Variants in EPHA5 observed in about 807,000 individuals in gnomAD.
EPHA5 encodes ephrin type-A receptor 5.
A neutral mutation model predicts 105.0 loss-of-function variants in EPHA5; 60 were observed. That is an observed-to-expected ratio of 0.57 (90% CI 0.46 to 0.71). EPHA5 has a LOEUF of 0.71. Among genes scored for constraint, EPHA5 ranks in the 30% least tolerant of loss-of-function variants. The pLI, the probability that EPHA5 is intolerant of heterozygous loss-of-function variation, is 0.00. For missense variants in EPHA5, 1,218 were observed against 1,274.7 expected (o/e 0.96, Z 0.68); for synonymous variants, 513 against 449.1 (o/e 1.14, Z -1.80).
intron 8 of EPHA5, among the ~76,000 whole-genome samples, chr4:65,389,863 A>T (rs1010642552): frequency 6.6e-6 from 1 of 152,008 alleles, no homozygotes; most frequent in African/African-American, 2.4e-5. Flanking sequence ...GCCTAGAAAA[A>T]ACTTGGGAAA....
In EPHA5 at chr4:65,377,007, C is replaced by T. The variant is rs768535351; in HGVS notation, c.1794-9583G>A. On this transcript the variant is annotated intron_variant, in intron 8 of 16. Coordinates refer to ENST00000613740, the MANE Select transcript of EPHA5 (RefSeq NM_001281766.3). ...GGGAGGGAACACTAACCATATTAGG[C>T]TTGGATGGGCAACAGCGCACAGGGA... The T allele has an allele frequency of 1.1e-5, 18 of 1,608,004 alleles. No homozygotes were observed. In the East Asian group the frequency reaches 2.7e-4, roughly 24 times the overall value.
intron 5 of EPHA5, among the ~76,000 whole-genome samples, chr4:65,459,005 T>C (rs1031540738): frequency 1.3e-5 from 2 of 152,066 alleles, no homozygotes; most frequent in South Asian, 4.1e-4. Flanking sequence ...ACACCTGTTA[T>C]TTTTTGAGAG....
intron 5 of EPHA5, among the ~76,000 whole-genome samples, chr4:65,461,091 T>C (rs559564642): frequency 1.5e-4 from 23 of 151,960 alleles, no homozygotes; most frequent in African/African-American, 5.5e-4. Context: ...TTACATACCA[T>C]AACACTAAAT....
chr4:65,668,037 C>T (rs767509571), intron 1 of EPHA5, among the ~76,000 whole-genome samples: 11 of 152,072 alleles, frequency 7.2e-5, no homozygotes, highest in Non-Finnish European at 1.3e-4. Context: ...AGGGAAAATA[C>T]CCAATTGTTT....
intron 3 of EPHA5, among the ~76,000 whole-genome samples, chr4:65,530,528 C>T (rs79443490): frequency 0.034 from 5,221 of 152,048 alleles, 132 homozygotes; most frequent in South Asian, 0.062. Context: ...AATGTATGGT[C>T]AGTTAGAAAT....
intron 5 of EPHA5, among the ~76,000 whole-genome samples, chr4:65,446,565 A>G (rs1316581043): frequency 6.6e-6 from 1 of 152,208 alleles, no homozygotes; most frequent in Non-Finnish European, 1.5e-5. Context: ...CACATATGTA[A>G]AACACCTCTT....
chr4:65,569,501 T>C (rs1476962392), intron 3 of EPHA5, among the ~76,000 whole-genome samples: 1 of 151,710 alleles, frequency 6.6e-6, no homozygotes, highest in African/African-American at 2.4e-5. Flanking sequence ...AGTTTTCAAA[T>C]GTATTTCCTT....
intron 8 of EPHA5, 64 bp downstream of exon 8, chr4:65,404,310 T>A (rs927048759): frequency 7.2e-7 from 1 of 1,381,892 alleles, no homozygotes; most frequent in Non-Finnish European, 1.0e-6. Flanking sequence ...AACAGCCAAA[T>A]GGTCAGATCA....
chr4:65,612,723 T>C (rs1441701775), intron 2 of EPHA5, among the ~76,000 whole-genome samples: 1 of 152,148 alleles, frequency 6.6e-6, no homozygotes, highest in Non-Finnish European at 1.5e-5. Context: ...TAAGGTTATT[T>C]GTGTTGTTTC....
intron 5 of EPHA5, among the ~76,000 whole-genome samples, chr4:65,464,180 A>C (rs1728387567): frequency 6.6e-6 from 1 of 151,908 alleles, no homozygotes; most frequent in Non-Finnish European, 1.5e-5. Context: ...TATTTTGGGA[A>C]GTGTAGGAGT....
At chr4:65,505,959 C>T (rs1184838529) in intron 3 of EPHA5, among the ~76,000 whole-genome samples, 1 of 152,066 alleles carries the variant, frequency 6.6e-6, no homozygotes, top group African/African-American at 2.4e-5. Flanking sequence ...ATTGACTCGT[C>T]ATTTAACATT....
At chr4:65,338,636 T>C (rs1721411118) in intron 14 of EPHA5, among the ~76,000 whole-genome samples, 2 of 152,178 alleles carry the variant, frequency 1.3e-5, no homozygotes, top group Non-Finnish European at 2.9e-5. Flanking sequence ...TCTGTCTCTA[T>C]ATCAACTTAG....
chr4:65,563,744 T>G (rs1292201388), intron 3 of EPHA5, among the ~76,000 whole-genome samples: 1 of 152,004 alleles, frequency 6.6e-6, no homozygotes, highest in Admixed American at 6.6e-5. Context: ...GAAAACATTG[T>G]TAATTTCTAA....
chr4:65,473,844 C>T (rs1578198060), intron 5 of EPHA5, among the ~76,000 whole-genome samples: 1 of 150,816 alleles, frequency 6.6e-6, no homozygotes, highest in East Asian at 1.9e-4. Flanking sequence ...TCTCCCTTTC[C>T]CATTAGTAGT....
chr4:65,371,829 C>A (rs551093014), intron 8 of EPHA5, among the ~76,000 whole-genome samples: 1 of 151,868 alleles, frequency 6.6e-6, no homozygotes, highest in Non-Finnish European at 1.5e-5. Flanking sequence ...ATCTAAATAA[C>A]GTACAGTGGA....
At chr4:65,574,283 G>A in intron 3 of EPHA5, 2 of 1,586,878 alleles carry the variant, frequency 1.3e-6, no homozygotes, top group South Asian at 2.2e-5. Flanking sequence ...TGCGATCTGT[G>A]TTTGCCCTGA....
At chr4:65,661,159 A>G (rs1749525537) in intron 1 of EPHA5, among the ~76,000 whole-genome samples, 1 of 152,166 alleles carries the variant, frequency 6.6e-6, no homozygotes, top group Admixed American at 6.5e-5. Context: ...ATAAGGGCCA[A>G]ATAATTTAGA....
Position 65,551,280 on chromosome 4 carries a change from G to A in EPHA5, c.910+50361C>T, listed in dbSNP as rs398051423. 5.7e-3 allele frequency among the ~76,000 whole-genome samples: 801 copies of A among 140,862 alleles called. 8 individuals carry two copies. Among genetic ancestry groups the A allele is most frequent in the Middle Eastern group, 0.019 (5 of 264 alleles). 92.4% of individuals were successfully genotyped at this position (140,862 alleles called of 152,430 possible). On this transcript the variant is annotated intron_variant, in intron 3 of 16. Coordinates refer to ENST00000613740, the MANE Select transcript of EPHA5 (RefSeq NM_001281766.3). ...TGTGTGTGTGTGTGTGTGTGTGTGT[G>A]TATATATATATATATATATATGGAG...
In EPHA5 at chr4:65,669,727, G is replaced by A. The variant is rs765397027; in HGVS notation, c.16C>T (p.Pro6Ser). Residue 6 changes from proline (P) to serine (S), a missense_variant, in exon 1 of 17, where the codon CCC becomes TCC. By Grantham distance (74) the Pro-to-Ser change is moderately conservative. This residue lies in a region of EPHA5 where 233 missense variants were observed against 227.5 expected (regional missense o/e 1.02). Coordinates refer to ENST00000613740, the MANE Select transcript of EPHA5 (RefSeq NM_001281766.3). MRGSG[P>S]RGAGRRRPPS... ...GGCCGCCGGCGTCCCGCACCCCGGG[G>A]CCCCGAGCCCCGCATCTTCTCCGAG... The A allele has an allele frequency of 1.1e-4, 138 of 1,265,030 alleles. 1 individual carries two copies. The highest frequency in any genetic ancestry group is 8.3e-5 in the Non-Finnish European group (83 of 1,004,234). 78.4% of individuals were successfully genotyped at this position (1,265,030 alleles called of 1,614,324 possible). A position where few individuals can be genotyped will look rare whatever the true frequency, so the allele number is the denominator to read the frequency against.
Sources: gnomAD v4.1 joint callset for allele counts (sites outside exome capture counted in the v4.1 genomes callset) on GRCh38, gnomAD v4.1.1 for gene constraint, gnomAD v4.1.1 regional missense constraint, MANE v1.5 for transcripts, NCBI Gene and HGNC (gene_info 2026-07-23, HGNC 2026-07-21) for gene names.